Variants in ARSB observed in about 807,000 individuals in gnomAD.
The protein encoded by ARSB is arylsulfatase B, also known as N-acetylgalactosamine-4-sulfatase.
Under a neutral mutation model 50.9 loss-of-function variants are expected in ARSB, and 41 were observed. The ratio of observed to expected loss-of-function variants is 0.81; its 90% CI spans 0.63 to 1.04. The LOEUF is 1.04. Ranked by LOEUF, ARSB falls within the 50% of genes least tolerant of loss-of-function variation. ARSB has a pLI of 0.00. For synonymous variants in ARSB, 269 were observed against 284.8 expected (o/e 0.94, Z 0.56); for missense variants, 672 against 693.3 (o/e 0.97, Z 0.35).
At chr5:78,900,138 C>T (rs1748737357) in intron 4 of ARSB, among the ~76,000 whole-genome samples, 1 of 152,032 alleles carries the variant, frequency 6.6e-6, no homozygotes, top group Admixed American at 6.5e-5. Context: ...GCAGGAACCC[C>T]TAGTCAGCAG....
Position 78,877,177 on chromosome 5 carries a change from G to A in ARSB, c.1142+8407C>T, listed in dbSNP as rs918644891. Among the ~76,000 whole-genome samples the A allele has an allele frequency of 3.3e-5, 5 of 152,124 alleles. No homozygotes were observed. In the South Asian group the frequency reaches 6.2e-4, roughly 19 times the overall value. The stretch of plus-strand genomic sequence containing the variant: ...TCACACAGAGTTGGGAACAGTACCC[G>A]TTCCCATCAGCCAGCCTTGAAAAAC... On this transcript the variant is annotated intron_variant, in intron 5 of 7. Transcript: ENST00000264914.
rs556232491 is a variant in ARSB, at chr5:78,957,571, T to C, written c.691-2069A>G. On this transcript the variant is annotated intron_variant, in intron 3 of 7. Transcript: ENST00000264914. ...TAATGTAGAACCCGTACTTCCATTA[T>C]TTCCATGGGAAAACATTCCAAATTC... Among the ~76,000 whole-genome samples the C allele has an allele frequency of 3.3e-4, 51 of 152,358 alleles. No individual in the cohort carries two copies. The South Asian group carries it at 0.011, about 32-fold the overall frequency.
intron 3 of ARSB, among the ~76,000 whole-genome samples, chr5:78,963,831 A>AG (rs1263112727): frequency 6.6e-6 from 1 of 152,100 alleles, no homozygotes; most frequent in Non-Finnish European, 1.5e-5. Context: ...CACTTTGGGC[A>AG]GGGGGGAGCT....
intron 6 of ARSB, among the ~76,000 whole-genome samples, chr5:78,838,186 T>C (rs1745032279): frequency 6.6e-6 from 1 of 152,144 alleles, no homozygotes; most frequent in Admixed American, 6.5e-5. Flanking sequence ...CGGAGACACA[T>C]GCACACAGGA....
intron 1 of ARSB, among the ~76,000 whole-genome samples, chr5:78,983,582 T>G (rs1470514026): frequency 1.3e-5 from 2 of 152,156 alleles, no homozygotes; most frequent in Non-Finnish European, 2.9e-5. Context: ...TTACACAATG[T>G]AGGGGATTCC....
chr5:78,809,913 G>A (rs1743744688), intron 6 of ARSB, among the ~76,000 whole-genome samples: 1 of 152,218 alleles, frequency 6.6e-6, no homozygotes, highest in South Asian at 2.1e-4. Flanking sequence ...GGGGGCAGCT[G>A]ATGCTGGCAG....
chr5:78,923,547 T>C (rs893934359), intron 4 of ARSB, among the ~76,000 whole-genome samples: 1 of 152,230 alleles, frequency 6.6e-6, no homozygotes, highest in Non-Finnish European at 1.5e-5. Flanking sequence ...AGCCTGGAGC[T>C]GAAGGATGCA....
intron 6 of ARSB, among the ~76,000 whole-genome samples, chr5:78,808,663 A>G (rs552144758): frequency 6.6e-6 from 1 of 152,186 alleles, no homozygotes; most frequent in Non-Finnish European, 1.5e-5. Flanking sequence ...CTCCCACTAA[A>G]GCATTTCCCT....
intron 4 of ARSB, among the ~76,000 whole-genome samples, chr5:78,922,539 A>G (rs533986298): frequency 6.6e-6 from 1 of 152,040 alleles, no homozygotes; most frequent in African/African-American, 2.4e-5. Flanking sequence ...CTGAATAGTC[A>G]GCAGCAATAC....
rs562620909 is a variant in ARSB at position 78,812,829 on chromosome 5, C to G, written c.1213+26527G>C. On this transcript the variant is annotated intron_variant, in intron 6 of 7. Coordinates refer to ENST00000264914, the MANE Select transcript of ARSB (RefSeq NM_000046.5). ...GTAACATGGCGAAACCCTGTCTCTA[C>G]AAAATACAAAAATTAACCGGGCATG... Among the ~76,000 whole-genome samples the G allele has an allele frequency of 3.3e-5, 5 of 151,954 alleles. 1 individual carries two copies. In the East Asian group the frequency reaches 9.8e-4, roughly 30 times the overall value.
At chr5:78,828,617 C>T (rs534765620) in intron 6 of ARSB, among the ~76,000 whole-genome samples, 8 of 151,964 alleles carry the variant, frequency 5.3e-5, no homozygotes, top group Admixed American at 5.2e-4. Flanking sequence ...TAGCTTTCAA[C>T]TGTTATCTGA....
intron 6 of ARSB, among the ~76,000 whole-genome samples, chr5:78,825,276 T>C (rs1744388206): frequency 6.6e-6 from 1 of 152,244 alleles, no homozygotes; most frequent in South Asian, 2.1e-4. Context: ...TTTTCTTACA[T>C]GCTCTTCCAA....
chr5:78,884,297 T>C (rs113568533), intron 5 of ARSB: 7 of 152,354 alleles, frequency 4.6e-5, no homozygotes, highest in African/African-American at 1.4e-4. Flanking sequence ...AGAATACTTA[T>C]GCACCTTACC....
At chr5:78,960,913 A>G (rs1369036532) in intron 3 of ARSB, among the ~76,000 whole-genome samples, 1 of 152,212 alleles carries the variant, frequency 6.6e-6, no homozygotes, top group Non-Finnish European at 1.5e-5. Flanking sequence ...TGTTACTTTC[A>G]GTCTGTAGTG....
chr5:78,849,391 T>A (rs2112034238), intron 5 of ARSB, among the ~76,000 whole-genome samples: 1 of 152,268 alleles, frequency 6.6e-6, no homozygotes, highest in Admixed American at 6.5e-5. Context: ...AGCGGCATTA[T>A]TTCTGAGGGC....
intron 4 of ARSB, among the ~76,000 whole-genome samples, chr5:78,900,443 T>C (rs1184622247): frequency 2.0e-5 from 3 of 152,174 alleles, no homozygotes; most frequent in African/African-American, 7.2e-5. Flanking sequence ...AATTTCACTT[T>C]TTCCAGTGTA....
At chr5:78,984,870 G>A (rs993080867) in intron 1 of ARSB, 67 bp downstream of exon 1, 2 of 1,220,172 alleles carry the variant, frequency 1.6e-6, no homozygotes, top group African/African-American at 1.6e-5. Flanking sequence ...CAAGGGCCGG[G>A]TAGGAGCGGC....
intron 6 of ARSB, among the ~76,000 whole-genome samples, chr5:78,784,766 C>T (rs891058158): frequency 4.1e-5 from 6 of 147,760 alleles, no homozygotes; most frequent in South Asian, 2.2e-4. Flanking sequence ...TCCCAAGATA[C>T]GTTTTGCTAG....
chr5:78,788,591 A>T (rs947395405), intron 6 of ARSB, among the ~76,000 whole-genome samples: 2 of 152,030 alleles, frequency 1.3e-5, no homozygotes, highest in African/African-American at 4.8e-5. Context: ...ACATTTTTTT[A>T]ATTTATTTTT....
Sources: gnomAD v4.1 joint callset for allele counts (sites outside exome capture counted in the v4.1 genomes callset) on GRCh38, gnomAD v4.1.1 for gene constraint, MANE v1.5 for transcripts, NCBI Gene and HGNC (gene_info 2026-07-23, HGNC 2026-07-21) for gene names.